Variants in TNXB observed in about 807,000 individuals in gnomAD.
The protein encoded by TNXB is tenascin XB, also known as tenascin-X.
A neutral mutation model predicts 340.5 loss-of-function variants in TNXB; 183 were observed. The ratio of observed to expected loss-of-function variants is 0.54; its 90% CI spans 0.48 to 0.61. The LOEUF (loss-of-function observed/expected upper bound fraction) is 0.61. Ranked by LOEUF, TNXB falls within the 20% of genes least tolerant of loss-of-function variation. The pLI is 0.00. For missense variants in TNXB, 4,613 were observed against 5,446.4 expected, an observed-to-expected ratio of 0.85 and a Z score of 4.82; for synonymous variants, 2,121 against 2,314.5, an observed-to-expected ratio of 0.92 and a Z score of 2.40.
At position 32,049,615 on chromosome 6, in the gene TNXB, T is replaced by A. The variant is rs1777140562; in HGVS notation, c.9440-28A>T. 1.3e-6 allele frequency: 2 copies of A among 1,595,050 alleles called. No homozygotes were observed. Among genetic ancestry groups the A allele is most frequent in the Non-Finnish European group, 8.6e-7 (1 of 1,168,874 alleles). ...GCAGTGGAGAAGGAGGGAGAGAGAG[T>A]GAGGGGGATGTCCTTGGGTCCTGGG... On this transcript the variant is annotated intron_variant, in intron 27 of 43. Transcript: ENST00000644971. This position sits in a 1 kb window ranked among gnomAD's most constrained non-coding sequence, Gnocchi z 4.5.
chr6:32,073,776 C>G lies in TNXB; in HGVS notation c.4552G>C (p.Val1518Leu), dbSNP rs376280627. ...YKDKDGQPQV[V>L]PVAADQREVT... ...TCTCGCTGGTCTGCCGCCACCGGCA[C>G]CACCTGGGGCTGCCCGTCCTTGTCC... The change falls in exon 12 of 44, where the codon GTG (valine) becomes CTG (leucine). Residue 1518 changes from valine to leucine, a missense_variant. Around this residue, in one of 7 missense-constraint regions of TNXB, gnomAD observed 4,327 missense variants for 4,859.4 expected, o/e 0.89. Coordinates refer to ENST00000644971, the MANE Select transcript of TNXB (RefSeq NM_001365276.2). This position sits in a 1 kb window ranked among gnomAD's most constrained non-coding sequence, Gnocchi z 4.6. 8.7e-6 allele frequency: 14 copies of G among 1,612,260 alleles called. No individual in the cohort carries two copies. The highest frequency in any genetic ancestry group is 5.0e-5 in the Admixed American group (3 of 59,898).
In TNXB at chr6:32,070,556, C is replaced by A. The variant is rs1778713917; in HGVS notation, c.4991-142G>T. ...CATCACCTCCCATCCTCACCACCAT[C>A]TCCGTCTGGTCCATGCCTCTCTCCC... On this transcript the variant is annotated intron_variant, in intron 13 of 43. Transcript: ENST00000644971. The surrounding 1 kb of genome is among the most constrained non-coding windows in gnomAD (Gnocchi z 6.0). 9.4e-6 allele frequency: 9 copies of A among 958,428 alleles called. No individual in the cohort carries two copies. The highest frequency in any genetic ancestry group is 6.1e-4 in the Middle Eastern group (2 of 3,272). 59.4% of individuals were successfully genotyped at this position (958,428 alleles called of 1,614,324 possible).
rs1457506403 is a variant in TNXB, at chr6:32,096,760, C to G, written c.1093G>C (p.Gly365Arg). 3 of 1,559,980 alleles carry G rather than the reference C, an allele frequency of 1.9e-6. No individual in the cohort carries two copies. The South Asian group carries it at 3.5e-5, about 18-fold the overall frequency. ...CATGTCCGCGTGCTGCAGTCCTCGC[C>G]TGTGTACCCGGGCCAGCACACGCAG... is the stretch of plus-strand genomic sequence containing the variant. ...GRCVCWPGYT[G>R]EDCSTRTCPR... The change falls in exon 3 of 44, where the codon GGC (glycine) becomes CGC (arginine). Residue 365 changes from glycine (G) to arginine (R), a missense_variant. Physicochemically the swap from Gly to Arg is moderately radical, Grantham distance 125. This residue lies in a region of TNXB where 4,327 missense variants were observed against 4,859.4 expected (regional missense o/e 0.89). Transcript: ENST00000644971.
intron 11 of TNXB, among the ~76,000 whole-genome samples, chr6:32,077,123 T>C (rs1582427736): frequency 6.6e-6 from 1 of 152,234 alleles, no homozygotes; most frequent in African/African-American, 2.4e-5. Context: ...GAGCCCATCC[T>C]TACCCCAGGG....
Position 32,065,112 on chromosome 6 carries a change from C to CG in TNXB, c.6549dup (p.Glu2184ArgfsTer6), listed in dbSNP as rs762150958. The CG allele has an allele frequency of 6.4e-7, 1 of 1,569,178 alleles. No homozygotes were observed. Among genetic ancestry groups the CG allele is most frequent in the Non-Finnish European group, 8.7e-7 (1 of 1,155,758 alleles). ...AGAGGAGCATCAGGGGACTCCTCTTCGGGGGCTAGGAAGAGATAGAAACAG... is the reference window on the plus strand; with the variant it reads ...AGAGGAGCATCAGGGGACTCCTCTTCGGGGGGCTAGGAAGAGATAGAAACAG... On this transcript the variant is annotated frameshift_variant, in exon 19 of 44. Transcript: ENST00000644971. LOFTEE classifies it high-confidence loss of function.
At chr6:32,099,946 T>TAG (rs1554335656) in intron 1 of TNXB, among the ~76,000 whole-genome samples, 5 of 62,826 alleles carry the variant, frequency 8.0e-5, no homozygotes, top group African/African-American at 3.1e-4. Context: ...CATCCCTAAG[T>TAG]AAAAAAAAAA....
Position 32,084,485 on chromosome 6 carries a change from T to C in TNXB, c.3373A>G (p.Lys1125Glu). The C allele has an allele frequency of 6.2e-7, 1 of 1,608,312 alleles. No individual in the cohort carries two copies. Among genetic ancestry groups the C allele is most frequent in the Non-Finnish European group, 8.5e-7 (1 of 1,178,292 alleles). ...AACCCATACAGGACAAATTTGTACT[T>C]GCGGCCAGGATCCAGGGAGGTGATG... ...AVITSLDPGR[K>E]YKFVLYGFVG... The change falls in exon 8 of 44, where the codon AAG becomes GAG. Residue 1125 changes from lysine to glutamate, a missense_variant. This residue lies in a region of TNXB where 4,327 missense variants were observed against 4,859.4 expected (regional missense o/e 0.89). Coordinates refer to ENST00000644971, the MANE Select transcript of TNXB (RefSeq NM_001365276.2). This position sits in a 1 kb window ranked among gnomAD's most constrained non-coding sequence, Gnocchi z 5.5.
Position 32,089,006 on chromosome 6 carries a change from G to A in TNXB, c.2558C>T (p.Pro853Leu), listed in dbSNP as rs759942418. The change falls in exon 6 of 44, where the codon CCG becomes CTG. Residue 853 changes from proline to leucine, a missense_variant. Pro to Leu is a moderately conservative substitution (Grantham distance 98). This residue lies in a region of TNXB where 4,327 missense variants were observed against 4,859.4 expected (regional missense o/e 0.89). Transcript: ENST00000644971. This position sits in a 1 kb window ranked among gnomAD's most constrained non-coding sequence, Gnocchi z 6.2. The stretch of plus-strand genomic sequence containing the variant: ...CAGCCAGCCAAGCTCCAGTGTTGTC[G>A]GTGTCACAGCCACCACTCGGAGGTC... ...PQDLRVVAVTPTTLELGWLRP... is the reference protein window; with the variant it reads ...PQDLRVVAVTLTTLELGWLRP... 19 of 1,610,836 alleles carry A rather than the reference G, an allele frequency of 1.2e-5. No individual in the cohort carries two copies. Among genetic ancestry groups the A allele is most frequent in the South Asian group, 8.8e-5 (8 of 90,452 alleles).
rs1044073516 is a variant in TNXB, at chr6:32,079,454, G to A, written c.4043-89C>T. 8.4e-6 allele frequency: 9 copies of A among 1,073,692 alleles called. No homozygotes were observed. 66.5% of individuals were successfully genotyped at this position (1,073,692 alleles called of 1,614,324 possible). On this transcript the variant is annotated intron_variant, in intron 10 of 43. Transcript: ENST00000644971. The surrounding 1 kb of genome is among the most constrained non-coding windows in gnomAD (Gnocchi z 7.1). ...CCATGGAAATGCCCTTACGCTGTGGGCTCAGGGGCTCTGTAGCCTTTGTAT... is the reference window on the plus strand; with the variant it reads ...CCATGGAAATGCCCTTACGCTGTGGACTCAGGGGCTCTGTAGCCTTTGTAT...
At chr6:32,065,542 G>A (rs1402999986) in intron 18 of TNXB, among the ~76,000 whole-genome samples, 3 of 152,222 alleles carry the variant, frequency 2.0e-5, no homozygotes, top group Non-Finnish European at 4.4e-5. Context: ...GGAGACTGTA[G>A]CACTACCTGG....
chr6:32,089,356 G>T lies in TNXB; in HGVS notation c.2382C>A (p.Phe794Leu). The change falls in exon 5 of 44, where the codon TTC (phenylalanine) becomes TTA (leucine). Residue 794 changes from phenylalanine to leucine, a missense_variant. Physicochemically the swap from Phe to Leu is conservative, Grantham distance 22. This residue lies in a region of TNXB where 4,327 missense variants were observed against 4,859.4 expected (regional missense o/e 0.89). Coordinates refer to ENST00000644971, the MANE Select transcript of TNXB (RefSeq NM_001365276.2). This position sits in a 1 kb window ranked among gnomAD's most constrained non-coding sequence, Gnocchi z 6.2. ...IPTTEGASPP[F>L]TARVPSSASA... Reference sequence around the variant, plus strand: ...AGGCAGAGCTTGGAACCCGTGCTGTGAATGGGGGGCTCGCCCCCTCTGTCT... The same window carrying T: ...AGGCAGAGCTTGGAACCCGTGCTGTTAATGGGGGGCTCGCCCCCTCTGTCT... The T allele has an allele frequency of 6.2e-7, 1 of 1,607,878 alleles. No individual in the cohort carries two copies. The highest frequency in any genetic ancestry group is 1.1e-5 in the South Asian group (1 of 89,644).
Position 32,064,924 on chromosome 6 carries a change from C to T in TNXB, c.6738G>A (p.Gly2246=), listed in dbSNP as rs1419715528. 3 of 1,612,828 alleles carry T rather than the reference C, an allele frequency of 1.9e-6. No homozygotes were observed. The highest frequency in any genetic ancestry group is 2.5e-6 in the Non-Finnish European group (3 of 1,179,884). Residue 2246 remains glycine (G), a synonymous_variant, in exon 19 of 44, where the codon GGG becomes GGA. Coordinates refer to ENST00000644971, the MANE Select transcript of TNXB (RefSeq NM_001365276.2). This position sits in a 1 kb window ranked among gnomAD's most constrained non-coding sequence, Gnocchi z 5.3. ...CTGGCTCCAGGCCCGAGATGGTGACCCCATCCTCGTGTCCCGGCACCCGCA... is the reference window on the plus strand; with the variant it reads ...CTGGCTCCAGGCCCGAGATGGTGACTCCATCCTCGTGTCCCGGCACCCGCA... The part of the protein sequence containing the change: ...KAVRVPGHED[G]VTISGLEPDH...
rs772749033 is a variant in TNXB, at chr6:32,052,810, C to G, written c.8975G>C (p.Arg2992Pro). The G allele has an allele frequency of 6.2e-7, 1 of 1,613,682 alleles. No homozygotes were observed. The highest frequency in any genetic ancestry group is 1.1e-5 in the South Asian group (1 of 91,068). ...FTVQYKDRDG[R>P]PQVVRVRGEE... ...GCCCCTGACACGCACCACCTGGGGC[C>G]GCCCGTCCCTGTCCTTGTACTGCAC... is the stretch of plus-strand genomic sequence containing the variant. The change falls in exon 26 of 44, where the codon CGG becomes CCG. Residue 2992 changes from arginine (R) to proline (P), a missense_variant. Physicochemically the swap from Arg to Pro is moderately radical, Grantham distance 103. This residue lies in a region of TNXB where 4,327 missense variants were observed against 4,859.4 expected (regional missense o/e 0.89). Coordinates refer to ENST00000644971, the MANE Select transcript of TNXB (RefSeq NM_001365276.2). The surrounding 1 kb of genome is among the most constrained non-coding windows in gnomAD (Gnocchi z 4.7).
At chr6:32,063,140 C>A (rs1204369252) in intron 19 of TNXB, among the ~76,000 whole-genome samples, 2 of 152,080 alleles carry the variant, frequency 1.3e-5, no homozygotes, top group Non-Finnish European at 2.9e-5. Context: ...GTAATCCCAG[C>A]ACTTTGGGAG....
chr6:32,097,920 G>T lies in TNXB; in HGVS notation c.279C>A (p.Pro93=), dbSNP rs1272887251. The T allele has an allele frequency of 8.2e-6, 13 of 1,590,324 alleles. No individual in the cohort carries two copies. Among genetic ancestry groups the T allele is most frequent in the Middle Eastern group, 1.7e-4 (1 of 6,036 alleles). The change falls in exon 2 of 44, where the codon CCC becomes CCA. Residue 93 remains proline, a synonymous_variant. Transcript: ENST00000644971. The surrounding 1 kb of genome is among the most constrained non-coding windows in gnomAD (Gnocchi z 5.9). Reference sequence around the variant, plus strand: ...CCTGTACCTCTGAAGCAAGGACTGGGGGCTCGGTGCCTGGGGGACAGCCAC... The same window carrying T: ...CCTGTACCTCTGAAGCAAGGACTGGTGGCTCGGTGCCTGGGGGACAGCCAC... The part of the protein sequence containing the change: ...TGCGCPPGTE[P]PVLASEVQAL...
At chr6:32,099,948 A>G (rs922584189) in intron 1 of TNXB, among the ~76,000 whole-genome samples, 8 of 131,238 alleles carry the variant, frequency 6.1e-5, no homozygotes, top group African/African-American at 2.4e-4. Context: ...TCCCTAAGTA[A>G]AAAAAAAAAA....
chr6:32,058,533 G>C lies in TNXB; in HGVS notation c.7493-143C>G. 4.2e-6 allele frequency: 3 copies of C among 714,384 alleles called. No individual in the cohort carries two copies. The highest frequency in any genetic ancestry group is 6.7e-6 in the Non-Finnish European group (3 of 450,732). The allele number at this position is 714,384 out of a possible 1,614,324, so 44.3% of individuals were successfully genotyped here. A position where few individuals can be genotyped will look rare whatever the true frequency, so the allele number is the denominator to read the frequency against. Reference sequence around the variant, plus strand: ...GGCAGCTTTGTGTTCGCCGTTCAGTGACTCTTGGAATAAGAGCCGGTGAGG... The same window carrying C: ...GGCAGCTTTGTGTTCGCCGTTCAGTCACTCTTGGAATAAGAGCCGGTGAGG... On this transcript the variant is annotated intron_variant, in intron 21 of 43. Coordinates refer to ENST00000644971, the MANE Select transcript of TNXB (RefSeq NM_001365276.2). The surrounding 1 kb of genome is among the most constrained non-coding windows in gnomAD (Gnocchi z 5.1).
Position 32,043,306 on chromosome 6 carries a change from T to C in TNXB, c.11663A>G (p.Gln3888Arg). The stretch of plus-strand genomic sequence containing the variant: ...CACCGCGCTGCCTGGGGTCTCCGCC[T>C]GCAGAGGCGGGGCTGGGAGTGTAGA... Reference protein sequence around the residue: ...QVTAPGAPPLQAETPGSAVDY... With the variant: ...QVTAPGAPPLRAETPGSAVDY... Residue 3888 changes from glutamine to arginine, a missense_variant, in exon 37 of 44, where the codon CAG becomes CGG. This residue lies in a region of TNXB where 114 missense variants were observed against 104.5 expected (regional missense o/e 1.09). Coordinates refer to ENST00000644971, the MANE Select transcript of TNXB (RefSeq NM_001365276.2). The C allele has an allele frequency of 2.8e-6, 1 of 351,964 alleles. No individual in the cohort carries two copies. The highest frequency in any genetic ancestry group is 8.9e-5 in the African/African-American group (1 of 11,290). The allele number at this position is 351,964 out of a possible 1,614,324, so 21.8% of individuals were successfully genotyped here.
At position 32,068,701 on chromosome 6, in the gene TNXB, T is replaced by C; in HGVS notation, c.5909A>G (p.Glu1970Gly). The change falls in exon 17 of 44, where the codon GAG becomes GGG. Residue 1970 changes from glutamate to glycine, a missense_variant. Physicochemically the swap from Glu to Gly is moderately conservative, Grantham distance 98. Transcript: ENST00000644971. This position sits in a 1 kb window ranked among gnomAD's most constrained non-coding sequence, Gnocchi z 5.3. ...GGGAGGTTCTGAAGGCTTCTCCTCC[T>C]CCGGGACTGGACAGAGACATGGAAA... ...PVHVEALTVP[E>G]EEKPSEPPTA... 1 of 1,613,142 alleles carries C rather than the reference T, an allele frequency of 6.2e-7. No homozygotes were observed. Among genetic ancestry groups the C allele is most frequent in the South Asian group, 1.1e-5 (1 of 91,036 alleles).
Sources: allele counts gnomAD v4.1 joint callset (sites outside exome capture counted in the v4.1 genomes callset), GRCh38; gene constraint gnomAD v4.1.1; regional missense constraint gnomAD v4.1.1; non-coding constraint Gnocchi (gnomAD v3.1); transcripts MANE v1.5; gene names NCBI Gene and HGNC (gene_info 2026-07-23, HGNC 2026-07-21).